The following LINGO2 variants were observed in gnomAD, a reference collection of about 807,000 sequenced individuals.
The protein encoded by LINGO2 is leucine rich repeat and Ig domain containing 2, also known as leucine-rich repeat and immunoglobulin-like domain-containing nogo receptor-interacting protein 2.
In LINGO2, 14 loss-of-function variants were observed where a neutral mutation model predicts 30.6. That is an observed-to-expected ratio of 0.46 (90% CI 0.30 to 0.72). The LOEUF (loss-of-function observed/expected upper bound fraction) is 0.72. Ranked by LOEUF, LINGO2 falls within the 30% of genes least tolerant of loss-of-function variation. The probability of loss-of-function intolerance (pLI) is 0.07; values close to 1 mark genes in which losing one functional copy is unlikely to be tolerated. For missense variants in LINGO2, 729 were observed against 751.7 expected, an observed-to-expected ratio of 0.97 and a Z score of 0.35; for synonymous variants, 317 against 288.5, an observed-to-expected ratio of 1.10 and a Z score of -1.00.
chr9:28,990,570 C>G, the LINGO2 span, among the ~76,000 whole-genome samples: 82 of 152,278 alleles, frequency 5.4e-4, 1 homozygote, highest in East Asian at 0.013. Flanking sequence ...GCTCCCTGAC[C>G]CCTGACCCCT....
At chr9:29,166,984 A>G in the LINGO2 span, among the ~76,000 whole-genome samples, 2 of 152,256 alleles carry the variant, frequency 1.3e-5, no homozygotes, top group East Asian at 3.9e-4. Flanking sequence ...AAGAGGTTTT[A>G]GAAGGTGTCT....
intron 2 of LINGO2, among the ~76,000 whole-genome samples, chr9:28,393,882 G>A (rs1422997215): frequency 6.6e-6 from 1 of 152,172 alleles, no homozygotes; most frequent in Non-Finnish European, 1.5e-5. Context: ...AATACCCTTT[G>A]CCCCTTAGAG....
intron 1 of LINGO2, among the ~76,000 whole-genome samples, chr9:28,623,912 C>T (rs140011290): frequency 0.014 from 2,097 of 152,046 alleles, 42 homozygotes; most frequent in Admixed American, 0.033. Flanking sequence ...TCTTTCACTT[C>T]TTTGATTAAT....
At chr9:29,011,938 C>T in the LINGO2 span, among the ~76,000 whole-genome samples, 5 of 152,024 alleles carry the variant, frequency 3.3e-5, no homozygotes, top group East Asian at 1.9e-4. Context: ...TCTGAAAATC[C>T]GTGGGGAAAA....
the LINGO2 span, among the ~76,000 whole-genome samples, chr9:29,115,360 A>G: frequency 6.6e-6 from 1 of 152,086 alleles, no homozygotes; most frequent in Non-Finnish European, 1.5e-5. Context: ...TGATCTTCCT[A>G]CATTTTTTGA....
chr9:28,738,558 T>C, the LINGO2 span, among the ~76,000 whole-genome samples: 1 of 152,114 alleles, frequency 6.6e-6, no homozygotes, highest in Non-Finnish European at 1.5e-5. Context: ...CAGTATGGCG[T>C]ATTTCTGCTT....
At chr9:29,053,252 T>C in the LINGO2 span, among the ~76,000 whole-genome samples, 16 of 152,178 alleles carry the variant, frequency 1.1e-4, no homozygotes, top group Non-Finnish European at 2.1e-4. Context: ...TGAGAAGTGC[T>C]AGTGAAGAAA....
chr9:28,791,809 T>C, the LINGO2 span, among the ~76,000 whole-genome samples: 1 of 151,968 alleles, frequency 6.6e-6, no homozygotes, highest in East Asian at 1.9e-4. Flanking sequence ...GACCCTACAA[T>C]GACAAAAATA....
the LINGO2 span, among the ~76,000 whole-genome samples, chr9:28,727,043 T>G: frequency 6.6e-6 from 1 of 152,154 alleles, no homozygotes; most frequent in East Asian, 1.9e-4. Flanking sequence ...TGGTTGGAAC[T>G]CTGTTTCCTG....
At chr9:28,125,020 C>A (rs530132376) in intron 4 of LINGO2, among the ~76,000 whole-genome samples, 1 of 152,278 alleles carries the variant, frequency 6.6e-6, no homozygotes, top group African/African-American at 2.4e-5. Context: ...CAGCAGTATC[C>A]TAAATGCCAT....
At chr9:28,423,094 G>A (rs1217041923) in intron 2 of LINGO2, among the ~76,000 whole-genome samples, 2 of 152,068 alleles carry the variant, frequency 1.3e-5, no homozygotes, top group Non-Finnish European at 2.9e-5. Flanking sequence ...AGTCCCAAAG[G>A]TTGATCGTGG....
At chr9:28,328,070 C>T (rs968703384) in intron 3 of LINGO2, among the ~76,000 whole-genome samples, 4 of 152,036 alleles carry the variant, frequency 2.6e-5, no homozygotes, top group East Asian at 1.9e-4. Context: ...AGAACAAATA[C>T]GCAGCAAGAA....
At chr9:28,104,266 GTTT>G (rs74180789) in intron 4 of LINGO2, among the ~76,000 whole-genome samples, 11 of 97,428 alleles carry the variant, frequency 1.1e-4, no homozygotes, top group African/African-American at 2.6e-4. Context: ...TTTTTTGTTT[GTTT>G]TTTTTTTTTT....
chr9:28,243,469 A>AAAAAG (rs61010611), intron 4 of LINGO2, among the ~76,000 whole-genome samples: 2,354 of 145,140 alleles, frequency 0.016, 42 homozygotes, highest in African/African-American at 0.029. Flanking sequence ...AAAAATAAAA[A>AAAAAG]AAGAAGAAGA....
intron 1 of LINGO2, among the ~76,000 whole-genome samples, chr9:28,635,410 AAGTT>A (rs1827214610): frequency 2.6e-5 from 4 of 152,172 alleles, no homozygotes; most frequent in Admixed American, 2.6e-4. Context: ...ACAGTAGTAA[AAGTT>A]AGCTTAACTT....
Position 28,030,283 on chromosome 9 carries a change from T to G in LINGO2, c.-86-17878A>C, listed in dbSNP as rs10968290. Among the ~76,000 whole-genome samples the G allele has an allele frequency of 0.013, 1,966 of 152,296 alleles. 199 individuals are homozygous for G. In the East Asian group the frequency reaches 0.27, roughly 21 times the overall value. ...TGAGGCCATTTCTGAGATTCTGAGA[T>G]AGCAAAGTATAAAACCAACTGTATA... On this transcript the variant is annotated intron_variant, in intron 4 of 5. Coordinates refer to ENST00000379992, the Ensembl canonical transcript of LINGO2.
chr9:28,257,590 G>T (rs955823525), intron 4 of LINGO2, among the ~76,000 whole-genome samples: 1 of 151,818 alleles, frequency 6.6e-6, no homozygotes, highest in Non-Finnish European at 1.5e-5. Flanking sequence ...TAACATTTTG[G>T]CAATGATGGA....
At chr9:28,980,039 A>C in the LINGO2 span, among the ~76,000 whole-genome samples, 1 of 152,122 alleles carries the variant, frequency 6.6e-6, no homozygotes, top group Non-Finnish European at 1.5e-5. Flanking sequence ...CAATGTCTTG[A>C]TCTTTGCTCC....
the LINGO2 span, among the ~76,000 whole-genome samples, chr9:28,847,692 A>G: frequency 7.1e-6 from 1 of 141,610 alleles, no homozygotes; most frequent in Non-Finnish European, 1.5e-5. Flanking sequence ...CTGAGCATCT[A>G]CATATTGACA....
Sources: gnomAD v4.1 joint callset for allele counts (sites outside exome capture counted in the v4.1 genomes callset) on GRCh38, gnomAD v4.1.1 for gene constraint, MANE v1.5 for transcripts, NCBI Gene and HGNC (gene_info 2026-07-23, HGNC 2026-07-21) for gene names.